The following KMT2E variants were observed in gnomAD, a reference collection of about 807,000 sequenced individuals.
The protein encoded by KMT2E is histone reader KMT2E.
KMT2E carries 30 observed loss-of-function variants against 184.6 expected under a neutral mutation model. The observed-to-expected ratio is 0.16, with a 90% CI of 0.12 to 0.22. The LOEUF (loss-of-function observed/expected upper bound fraction) is 0.22. KMT2E is among the 10% of genes least tolerant of loss of function. The pLI, the probability that KMT2E is intolerant of heterozygous loss-of-function variation, is 1.00. For missense variants in KMT2E, 2,023 were observed against 2,237.4 expected, an observed-to-expected ratio of 0.90 and a Z score of 1.93; for synonymous variants, 815 against 776.5, an observed-to-expected ratio of 1.05 and a Z score of -0.82.
chr7:105,040,038 G>C (rs1458064230), intron 2 of KMT2E, among the ~76,000 whole-genome samples: 9 of 152,000 alleles, frequency 5.9e-5, no homozygotes, highest in Non-Finnish European at 1.3e-4. Context: ...AATTGAGTTA[G>C]GGAATATTAA....
rs187362570 is a variant in KMT2E, at chr7:105,076,091, T to G, written c.768+10T>G. 4 of 1,579,102 alleles carry G rather than the reference T, an allele frequency of 2.5e-6. No individual in the cohort carries two copies. In the African/African-American group the frequency reaches 5.4e-5, roughly 21 times the overall value. ...GTCATCAAGAGTTAAGGTAAATACA[T>G]TAATTTTAAGGTGTTGTTATCAACT... On this transcript the variant is annotated intron_variant, in intron 9 of 26. Transcript: ENST00000311117.
At chr7:105,028,781 A>G (rs576548078) in intron 1 of KMT2E, among the ~76,000 whole-genome samples, 108 of 152,082 alleles carry the variant, frequency 7.1e-4, no homozygotes, top group African/African-American at 2.5e-3. Context: ...TGAGATTACA[A>G]GTGTGAGCCA....
chr7:105,015,737 C>T (rs1794690577), intron 1 of KMT2E, among the ~76,000 whole-genome samples: 1 of 152,038 alleles, frequency 6.6e-6, no homozygotes, highest in South Asian at 2.1e-4. Flanking sequence ...CCATGCAGTG[C>T]GTTTGTCTGC....
intron 23 of KMT2E, 63 bp downstream of exon 23, chr7:105,109,291 A>G (rs1799069382): frequency 6.6e-7 from 1 of 1,511,028 alleles, no homozygotes; most frequent in Admixed American, 1.9e-5. Context: ...TATTCTTCCT[A>G]TTTGTTGTTC....
rs181290709 is a variant in KMT2E at position 105,064,408 on chromosome 7, A to G, written c.416+828A>G. 2.6e-5 allele frequency among the ~76,000 whole-genome samples: 4 copies of G among 151,982 alleles called. No homozygotes were observed. In the East Asian group the frequency reaches 7.7e-4, roughly 29 times the overall value. ...ATGTGATGCAGTATGGCATATACCC[A>G]TATTTGAATGTAAGTATAAAAATGG... On this transcript the variant is annotated intron_variant, in intron 5 of 26. Coordinates refer to ENST00000311117, the MANE Select transcript of KMT2E (RefSeq NM_182931.3).
At chr7:105,109,380 T>A in intron 23 of KMT2E, 152 bp downstream of exon 23, 1 of 735,762 alleles carries the variant, frequency 1.4e-6, no homozygotes, top group Non-Finnish European at 2.2e-6. Context: ...AAGCCAGCTG[T>A]GTATGGCCTG....
At chr7:105,032,793 C>T (rs1290864183) in intron 1 of KMT2E, among the ~76,000 whole-genome samples, 1 of 152,234 alleles carries the variant, frequency 6.6e-6, no homozygotes, top group Non-Finnish European at 1.5e-5. Context: ...TGTGAGCCAC[C>T]ATGTCCATCA....
chr7:105,061,639 GT>G (rs533221697), intron 3 of KMT2E, among the ~76,000 whole-genome samples: 1 of 151,790 alleles, frequency 6.6e-6, no homozygotes, highest in Non-Finnish European at 1.5e-5. Flanking sequence ...AGCTGTTTAT[GT>G]TTTTTTTCAG....
chr7:105,107,409 T>G lies in KMT2E; in HGVS notation c.2952T>G (p.Asn984Lys). The change falls in exon 22 of 27, where the codon AAT becomes AAG. Residue 984 changes from asparagine (N) to lysine (K), a missense_variant. By Grantham distance (94) the Asn-to-Lys change is moderately conservative. Around this residue, in one of 8 missense-constraint regions of KMT2E, gnomAD observed 514 missense variants for 621.8 expected, o/e 0.83. Coordinates refer to ENST00000311117, the MANE Select transcript of KMT2E (RefSeq NM_182931.3). Reference sequence around the variant, plus strand: ...TGTTAACATTGGGGCCTTTTAGAAATTCTAATTTAACTGAACTGGGTCTGC... The same window carrying G: ...TGTTAACATTGGGGCCTTTTAGAAAGTCTAATTTAACTGAACTGGGTCTGC... ...STMLTLGPFR[N>K]SNLTELGLQE... The G allele has an allele frequency of 3.1e-6, 5 of 1,607,442 alleles. No homozygotes were observed. The South Asian group carries it at 5.6e-5, about 18-fold the overall frequency.
chr7:105,095,387 T>G (rs1236307988), intron 15 of KMT2E, among the ~76,000 whole-genome samples: 1 of 152,162 alleles, frequency 6.6e-6, no homozygotes, highest in African/African-American at 2.4e-5. Flanking sequence ...CAGGGGGAAA[T>G]CTTGGAGAGA....
intron 1 of KMT2E, among the ~76,000 whole-genome samples, chr7:105,026,067 A>G (rs544841399): frequency 3.3e-5 from 5 of 152,206 alleles, no homozygotes; most frequent in Non-Finnish European, 7.4e-5. Context: ...AAAAATTGAT[A>G]AGGATATTTT....
chr7:105,089,187 C>T (rs972985829), intron 13 of KMT2E: 2 of 374,460 alleles, frequency 5.3e-6, no homozygotes, highest in African/African-American at 2.2e-5. Context: ...ATCTGAAATC[C>T]AAAATCCTAA....
intron 3 of KMT2E, among the ~76,000 whole-genome samples, chr7:105,044,211 T>A (rs889049759): frequency 1.3e-5 from 2 of 152,070 alleles, no homozygotes; most frequent in Non-Finnish European, 2.9e-5. Context: ...TACCAGAATT[T>A]AGGCTTTGGG....
At position 105,114,750 on chromosome 7, in the gene KMT2E, C is replaced by T. The variant is rs1294850227; in HGVS notation, c.*1417C>T. 6.6e-6 allele frequency among the ~76,000 whole-genome samples: 1 copy of T among 152,148 alleles called. No individual in the cohort carries two copies. Among genetic ancestry groups the T allele is most frequent in the African/African-American group, 2.4e-5 (1 of 41,444 alleles). On this transcript the variant is annotated 3_prime_UTR_variant, in exon 27 of 27. Transcript: ENST00000311117. ...GACCTCATTCAGTCATGTTTTTACA[C>T]TTTGAACCTCTATTTATTTCCTTTT...
intron 6 of KMT2E, among the ~76,000 whole-genome samples, chr7:105,072,319 C>T (rs1317226872): frequency 6.6e-6 from 1 of 151,972 alleles, no homozygotes; most frequent in African/African-American, 2.4e-5. Flanking sequence ...GAGCGAGACT[C>T]CGTCTCAAAA....
At chr7:105,037,933 A>G (rs749658986) in intron 1 of KMT2E, among the ~76,000 whole-genome samples, 193 bp from the exon 2 acceptor site, 1 of 152,118 alleles carries the variant, frequency 6.6e-6, no homozygotes, top group African/African-American at 2.4e-5. Flanking sequence ...TTGATTTAGT[A>G]TTTAGCTTTG....
intron 1 of KMT2E, among the ~76,000 whole-genome samples, chr7:105,021,440 T>A (rs987176759): frequency 6.6e-6 from 1 of 152,240 alleles, no homozygotes; most frequent in South Asian, 2.1e-4. Flanking sequence ...TTTCACCTTC[T>A]TAAAAGCCTG....
Position 105,062,293 on chromosome 7 carries a change from C to T in KMT2E, c.186+15C>T, listed in dbSNP as rs1335892905. 2.0e-6 allele frequency: 3 copies of T among 1,526,884 alleles called. No individual in the cohort carries two copies. In the African/African-American group the frequency reaches 4.1e-5, roughly 21 times the overall value. 94.6% of individuals were successfully genotyped at this position (1,526,884 alleles called of 1,614,324 possible). A position where few individuals can be genotyped will look rare whatever the true frequency, so the allele number is the denominator to read the frequency against. ...TGCCCTATGCGGTAAGTGTTAAACA[C>T]TTCTTTGAAAAAACATTTTTAAATT... On this transcript the variant is annotated intron_variant, in intron 4 of 26. Coordinates refer to ENST00000311117, the MANE Select transcript of KMT2E (RefSeq NM_182931.3).
In KMT2E at chr7:105,105,518, G is replaced by A. The variant is rs1167945870; in HGVS notation, c.2276G>A (p.Arg759His). Residue 759 changes from arginine to histidine, a missense_variant, in exon 18 of 27, where the codon CGC becomes CAC. Around this residue, in one of 8 missense-constraint regions of KMT2E, gnomAD observed 514 missense variants for 621.8 expected, o/e 0.83. Coordinates refer to ENST00000311117, the MANE Select transcript of KMT2E (RefSeq NM_182931.3). ...PSDGLSERPL[R>H]ITTDPEVLAT... ...GATGGCCTTTCAGAAAGGCCTCTAC[G>A]CATAACTACAGATCCTGAAGTGTTA... is the stretch of plus-strand genomic sequence containing the variant. 3.1e-6 allele frequency: 5 copies of A among 1,613,658 alleles called. No individual in the cohort carries two copies. The highest frequency in any genetic ancestry group is 1.3e-5 in the African/African-American group (1 of 74,886).
Sources: gnomAD v4.1 joint callset for allele counts (sites outside exome capture counted in the v4.1 genomes callset) on GRCh38, gnomAD v4.1.1 for gene constraint, gnomAD v4.1.1 regional missense constraint, MANE v1.5 for transcripts, NCBI Gene and HGNC (gene_info 2026-07-23, HGNC 2026-07-21) for gene names.